The following GLT8D2 variants were observed in gnomAD, a reference collection of about 807,000 sequenced individuals.
GLT8D2 encodes glycosyltransferase 8 domain-containing protein 2.
A neutral mutation model predicts 44.5 loss-of-function variants in GLT8D2; 45 were observed. The observed-to-expected ratio is 1.01, with a 90% CI of 0.80 to 1.30. The LOEUF is 1.30. GLT8D2 is among the 50% of genes most tolerant of loss of function. GLT8D2 has a pLI of 0.00. For missense variants in GLT8D2, 400 were observed against 430.4 expected, an observed-to-expected ratio of 0.93 and a Z score of 0.62; for synonymous variants, 156 against 157.2, an observed-to-expected ratio of 0.99 and a Z score of 0.06.
Position 104,006,127 on chromosome 12 carries a change from G to A in GLT8D2, c.113-2821C>T, listed in dbSNP as rs145954118. ...AAACCATCATTCTCAGCAAACTATC[G>A]CAGGGATAAAAAACCAAACACTGCA... On this transcript the variant is annotated intron_variant, in intron 4 of 10. Transcript: ENST00000360814. 7.9e-3 allele frequency among the ~76,000 whole-genome samples: 1,191 copies of A among 150,964 alleles called. 10 individuals are homozygous for A. Among genetic ancestry groups the A allele is most frequent in the African/African-American group, 0.027 (1,120 of 41,056 alleles).
intron 1 of GLT8D2, among the ~76,000 whole-genome samples, chr12:104,022,736 G>C (rs1452877229): frequency 2.0e-5 from 3 of 149,558 alleles, no homozygotes; most frequent in Non-Finnish European, 4.4e-5. Context: ...ATATAAGTAA[G>C]CACAGGAGAT....
chr12:104,014,400 T>C, intron 4 of GLT8D2: 2 of 619,164 alleles, frequency 3.2e-6, no homozygotes, highest in South Asian at 3.7e-5. Flanking sequence ...CAGTGCTTCC[T>C]GATTTTTATG....
intron 1 of GLT8D2, among the ~76,000 whole-genome samples, chr12:104,056,658 C>G (rs1211848865): frequency 1.3e-5 from 2 of 152,214 alleles, no homozygotes; most frequent in African/African-American, 4.8e-5. Context: ...TTATATAACA[C>G]AAGTCCCCCA....
chr12:104,035,643 A>G (rs1237387713), intron 1 of GLT8D2, among the ~76,000 whole-genome samples: 1 of 152,226 alleles, frequency 6.6e-6, no homozygotes, highest in Non-Finnish European at 1.5e-5. Context: ...GAAATGAACA[A>G]AACCTACAAG....
chr12:104,023,578 T>G (rs1878186938), intron 1 of GLT8D2, among the ~76,000 whole-genome samples: 1 of 152,206 alleles, frequency 6.6e-6, no homozygotes, highest in South Asian at 2.1e-4. Flanking sequence ...TTTTTTTCTA[T>G]AGTTCTATGG....
intron 4 of GLT8D2, 45 bp from the exon 5 acceptor site, chr12:104,003,351 C>G (rs770924315): frequency 1.3e-6 from 2 of 1,558,564 alleles, no homozygotes; most frequent in Non-Finnish European, 1.8e-6. Flanking sequence ...AAGAATTTCA[C>G]AGTAGAGCCA....
intron 1 of GLT8D2, among the ~76,000 whole-genome samples, chr12:104,045,958 T>TA (rs1555281912): frequency 7.5e-6 from 1 of 132,636 alleles, no homozygotes; most frequent in South Asian, 2.7e-4. Flanking sequence ...AGAAAGAAAA[T>TA]AAGAAAGAAA....
At chr12:104,040,512 G>C (rs558888488) in intron 1 of GLT8D2, among the ~76,000 whole-genome samples, 2 of 152,146 alleles carry the variant, frequency 1.3e-5, no homozygotes, top group Non-Finnish European at 2.9e-5. Context: ...TGTAACCTCT[G>C]GCACCCGGGT....
chr12:104,028,412 C>CA lies in GLT8D2; in HGVS notation c.-163-6922dup, dbSNP rs925794704. Among the ~76,000 whole-genome samples, 192 of 151,910 alleles carry CA rather than the reference C, an allele frequency of 1.3e-3. 2 individuals carry two copies. The highest frequency in any genetic ancestry group is 4.0e-3 in the African/African-American group (166 of 41,440). On this transcript the variant is annotated intron_variant, in intron 1 of 10. Coordinates refer to ENST00000360814, the MANE Select transcript of GLT8D2 (RefSeq NM_001384711.1). ...GTGGCACTTCCTGGGTTTCAAAAAA[C>CA]AAAAAAATCCCAAGTGGACAAGACA... is the stretch of plus-strand genomic sequence containing the variant.
At position 103,993,015 on chromosome 12, in the gene GLT8D2, A is replaced by G. The variant is rs188785733; in HGVS notation, c.880+377T>C. 2.6e-5 allele frequency among the ~76,000 whole-genome samples: 4 copies of G among 152,150 alleles called. No individual in the cohort carries two copies. The East Asian group carries it at 5.8e-4, about 22-fold the overall frequency. On this transcript the variant is annotated intron_variant, in intron 10 of 10. Coordinates refer to ENST00000360814, the MANE Select transcript of GLT8D2 (RefSeq NM_001384711.1). ...CTGTATGTAGCACCCTCTCCTCGCT[A>G]TGGTGCTCACTGGGTCTATAAAATG...
At position 103,994,480 on chromosome 12, in the gene GLT8D2, C is replaced by A. The variant is rs1416454618; in HGVS notation, c.622G>T (p.Asp208Tyr). 2 of 1,613,564 alleles carry A rather than the reference C, an allele frequency of 1.2e-6. No individual in the cohort carries two copies. The highest frequency in any genetic ancestry group is 1.7e-6 in the Non-Finnish European group (2 of 1,179,830). The change falls in exon 9 of 11, where the codon GAC becomes TAC. Residue 208 changes from aspartate to tyrosine, a missense_variant. By Grantham distance (160) the Asp-to-Tyr change is radical (BLOSUM62 -3). Transcript: ENST00000360814. Reference sequence around the variant, plus strand: ...TCCTTGATGGCCTTCTTCCGGTAGTCCAGATAGCCCATATATGTGTTCTGT... The same window carrying A: ...TCCTTGATGGCCTTCTTCCGGTAGTACAGATAGCCCATATATGTGTTCTGT... ...GLQNTYMGYL[D>Y]YRKKAIKDLG...
At chr12:104,047,349 G>T (rs1881275520) in intron 1 of GLT8D2, among the ~76,000 whole-genome samples, 1 of 143,618 alleles carries the variant, frequency 7.0e-6, no homozygotes, top group South Asian at 2.2e-4. Context: ...TCGTTGCCCA[G>T]GCTGGAGTGC....
chr12:104,032,958 C>T (rs1049886618), intron 1 of GLT8D2, among the ~76,000 whole-genome samples: 1 of 151,426 alleles, frequency 6.6e-6, no homozygotes, highest in Non-Finnish European at 1.5e-5. Context: ...TGGCTCACTG[C>T]AACCTCCGCT....
chr12:104,041,693 C>A (rs1319612103), intron 1 of GLT8D2, among the ~76,000 whole-genome samples: 2 of 152,230 alleles, frequency 1.3e-5, no homozygotes, highest in African/African-American at 4.8e-5. Flanking sequence ...ATTTACTCAA[C>A]CTCTACGAAT....
chr12:104,011,420 G>A (rs1402450167), intron 4 of GLT8D2, among the ~76,000 whole-genome samples: 1 of 152,184 alleles, frequency 6.6e-6, no homozygotes, highest in Non-Finnish European at 1.5e-5. Context: ...ATTCCTAGAA[G>A]AAAGGAAATG....
At chr12:104,001,969 C>G (rs1874276956) in intron 5 of GLT8D2, among the ~76,000 whole-genome samples, 2 of 152,050 alleles carry the variant, frequency 1.3e-5, no homozygotes, top group Admixed American at 1.3e-4. Context: ...CCACTGCGCC[C>G]AGCCTTATTT....
At chr12:104,015,910 T>A (rs1440852910) in intron 3 of GLT8D2, among the ~76,000 whole-genome samples, 1 of 149,346 alleles carries the variant, frequency 6.7e-6, no homozygotes, top group Non-Finnish European at 1.5e-5. Flanking sequence ...GGCTGAGGCA[T>A]GAGAATTGCT....
At chr12:104,014,980 T>C (rs780979003) in intron 4 of GLT8D2, 33 bp downstream of exon 4, 1 of 1,458,758 alleles carries the variant, frequency 6.9e-7, no homozygotes, top group South Asian at 1.1e-5. Context: ...CATTCCTGGG[T>C]ATCCCAACTC....
In GLT8D2 at chr12:104,016,709, GAGAAAGAAAGAAAGAAAGAAAGAA is replaced by G. The variant is rs550246831; in HGVS notation, c.20-1628_20-1605del. Among the ~76,000 whole-genome samples, 349 of 72,744 alleles carry G rather than the reference GAGAAAGAAAGAAAGAAAGAAAGAA, an allele frequency of 4.8e-3. 5 individuals carry two copies. Among genetic ancestry groups the G allele is most frequent in the Admixed American group, 6.0e-3 (37 of 6,140 alleles). The allele number at this position is 72,744 out of a possible 152,430, so 47.7% of individuals were successfully genotyped here. A position where few individuals can be genotyped will look rare whatever the true frequency, so the allele number is the denominator to read the frequency against. On this transcript the variant is annotated intron_variant, in intron 3 of 10. Transcript: ENST00000360814. ...AAAGAAAGAAAGAAAGAAAGGGAGA[GAGAAAGAAAGAAAGAAAGAAAGAA>G]AGAAAGAAAGAAAGAAAGAAAGAAA...
Sources: gnomAD v4.1 joint callset for allele counts (sites outside exome capture counted in the v4.1 genomes callset) on GRCh38, gnomAD v4.1.1 for gene constraint, MANE v1.5 for transcripts, NCBI Gene and HGNC (gene_info 2026-07-23, HGNC 2026-07-21) for gene names.